SLC7A1: variants seen among roughly 807,000 people sequenced by gnomAD.
SLC7A1 encodes solute carrier family 7 member 1, also known as high affinity cationic amino acid transporter 1.
A neutral mutation model predicts 53.9 loss-of-function variants in SLC7A1; 10 were observed. The ratio of observed to expected loss-of-function variants is 0.19; its 90% CI spans 0.11 to 0.31. The LOEUF is 0.31. SLC7A1 is among the 10% of genes least tolerant of loss of function. SLC7A1 has a pLI of 1.00. For missense variants in SLC7A1, 525 were observed against 827.2 expected (o/e 0.63, Z 4.48); for synonymous variants, 342 against 338.7 (o/e 1.01, Z -0.11).
At chr13:29,541,673 T>G (rs1441840147) in intron 2 of SLC7A1, among the ~76,000 whole-genome samples, 2 of 152,212 alleles carry the variant, frequency 1.3e-5, no homozygotes, top group Non-Finnish European at 2.9e-5. Flanking sequence ...ATGAGTAACA[T>G]GCTCACTAAT....
At chr13:29,546,141 CA>C (rs1166628617) in intron 2 of SLC7A1, among the ~76,000 whole-genome samples, 2 of 152,180 alleles carry the variant, frequency 1.3e-5, no homozygotes, top group Admixed American at 6.5e-5. Flanking sequence ...GGCAGGTCCG[CA>C]GGGAGACTCT....
chr13:29,514,635 G>A (rs1439460727), intron 12 of SLC7A1, 52 bp from the exon 13 acceptor site: 3 of 1,388,014 alleles, frequency 2.2e-6, no homozygotes, highest in African/African-American at 1.4e-5. Context: ...TTGCACCACC[G>A]CAGGCAGGGC....
At chr13:29,563,364 G>C (rs995502303) in intron 1 of SLC7A1, among the ~76,000 whole-genome samples, 1 of 152,208 alleles carries the variant, frequency 6.6e-6, no homozygotes, top group Admixed American at 6.5e-5. Context: ...ATTTACTTAA[G>C]TGGGTTTTTT....
At chr13:29,535,788 A>T (rs777488320) in intron 3 of SLC7A1, 31 bp downstream of exon 3, 15 of 1,591,620 alleles carry the variant, frequency 9.4e-6, no homozygotes, top group Admixed American at 1.7e-5. Context: ...AAAGTGGTAG[A>T]GGGCACGAGC....
rs541894261 is a variant in SLC7A1, at chr13:29,529,669, G to A, written c.704+869C>T. 2.6e-5 allele frequency among the ~76,000 whole-genome samples: 4 copies of A among 152,312 alleles called. No homozygotes were observed. The South Asian group carries it at 8.3e-4, about 32-fold the overall frequency. ...CAGCCAACGCGGACTGCTCACTTCA[G>A]GACTGGAAACATCTCTTCTTTAAAG... On this transcript the variant is annotated intron_variant, in intron 5 of 12. Transcript: ENST00000380752.
chr13:29,563,658 G>A (rs1870854797), intron 1 of SLC7A1, among the ~76,000 whole-genome samples: 1 of 152,156 alleles, frequency 6.6e-6, no homozygotes. Flanking sequence ...GGATGCCTTC[G>A]CCCTGCAGGC....
At position 29,514,543 on chromosome 13, in the gene SLC7A1, C is replaced by G; in HGVS notation, c.1827G>C (p.Glu609Asp). The stretch of plus-strand genomic sequence containing the variant: ...CTTGGTCGGCATCCAGGGACGCCTC[C>G]TCGCTGTGCCACAGGCCATAGCCAA... ...IYFGYGLWHS[E>D]EASLDADQAR... The change falls in exon 13 of 13, where the codon GAG (glutamate) becomes GAC (aspartate). Residue 609 changes from glutamate to aspartate, a missense_variant. Physicochemically the swap from Glu to Asp is conservative, Grantham distance 45. This residue lies in a region of SLC7A1 where 41 missense variants were observed against 61.3 expected (regional missense o/e 0.67). Transcript: ENST00000380752. The G allele has an allele frequency of 6.2e-7, 1 of 1,611,128 alleles. No individual in the cohort carries two copies. The highest frequency in any genetic ancestry group is 8.5e-7 in the Non-Finnish European group (1 of 1,179,794).
At chr13:29,591,621 A>T (rs547928619) in intron 1 of SLC7A1, among the ~76,000 whole-genome samples, 1 of 152,348 alleles carries the variant, frequency 6.6e-6, no homozygotes, top group African/African-American at 2.4e-5. Context: ...CTGAACAAGT[A>T]TTCTGAAGAA....
chr13:29,587,153 T>C (rs1489328096), intron 1 of SLC7A1, among the ~76,000 whole-genome samples: 1 of 152,172 alleles, frequency 6.6e-6, no homozygotes, highest in Non-Finnish European at 1.5e-5. Flanking sequence ...TAACATAGAC[T>C]TACAGCTCAG....
intron 1 of SLC7A1, among the ~76,000 whole-genome samples, chr13:29,573,481 C>T (rs747231682): frequency 1.3e-5 from 2 of 152,184 alleles, no homozygotes; most frequent in African/African-American, 4.8e-5. Context: ...CAAAGGCAGA[C>T]GGACTTCTCT....
In SLC7A1 at chr13:29,515,013, C is replaced by A. The variant is rs186245349; in HGVS notation, c.1787-430G>T. On this transcript the variant is annotated intron_variant, in intron 12 of 12. Transcript: ENST00000380752. ...GACAGTCCCACTGCCCATTTCTCCACATAACTGAGCGTCAGACTGCAGGAG... is the reference window on the plus strand; with the variant it reads ...GACAGTCCCACTGCCCATTTCTCCAAATAACTGAGCGTCAGACTGCAGGAG... Among the ~76,000 whole-genome samples the A allele has an allele frequency of 3.6e-3, 555 of 152,326 alleles. 3 individuals carry two copies. The highest frequency in any genetic ancestry group is 0.017 in the Middle Eastern group (5 of 294).
chr13:29,522,436 G>C lies in SLC7A1; in HGVS notation c.1070C>G (p.Pro357Arg), dbSNP rs1868671666. 1.2e-6 allele frequency: 2 copies of C among 1,614,078 alleles called. No individual in the cohort carries two copies. The highest frequency in any genetic ancestry group is 2.2e-5 in the East Asian group (1 of 44,896). ...CATGGCATAGATAACCCGAGGCATG[G>C]GAAACATGGAACCTAGAAGACTAGA... ...LSASLLGSMF[P>R]MPRVIYAMAE... The change falls in exon 8 of 13, where the codon CCC becomes CGC. Residue 357 changes from proline to arginine, a missense_variant. Pro to Arg is a moderately radical substitution (Grantham distance 103, BLOSUM62 -2). This residue lies in a region of SLC7A1 where 354 missense variants were observed against 587.5 expected (regional missense o/e 0.60). Transcript: ENST00000380752.
At chr13:29,592,225 G>T (rs1426457809) in intron 1 of SLC7A1, among the ~76,000 whole-genome samples, 1 of 152,152 alleles carries the variant, frequency 6.6e-6, no homozygotes, top group Admixed American at 6.5e-5. Context: ...GTTATCCAGT[G>T]TGTTCACCAA....
In SLC7A1 at chr13:29,535,850, G is replaced by A. The variant is rs376160148; in HGVS notation, c.339C>T (p.Thr113=). 7.9e-5 allele frequency: 128 copies of A among 1,614,112 alleles called. 1 individual carries two copies. The Middle Eastern group carries it at 2.3e-3, about 29-fold the overall frequency. Residue 113 remains threonine, a synonymous_variant, in exon 3 of 13, where the codon ACC becomes ACT. Coordinates refer to ENST00000380752, the MANE Select transcript of SLC7A1 (RefSeq NM_003045.5). ...TGTAGGAGAGGATTAAGTTCCAGCC[G>A]GTGATGAAGGCCCAGAGCTCTCCAA... is the stretch of plus-strand genomic sequence containing the variant. ...VTVGELWAFI[T]GWNLILSYII... is the part of the protein sequence containing the mutation.
chr13:29,530,978 G>A (rs1315412715), intron 4 of SLC7A1, among the ~76,000 whole-genome samples: 1 of 152,098 alleles, frequency 6.6e-6, no homozygotes, highest in African/African-American at 2.4e-5. Flanking sequence ...GCCCACCCAA[G>A]GGGCACCCGA....
rs1883411149 is a variant in SLC7A1, at chr13:29,512,120, A to C, written c.*2360T>G. 1 of 152,228 alleles carries C rather than the reference A, an allele frequency of 6.6e-6. No individual in the cohort carries two copies. Among genetic ancestry groups the C allele is most frequent in the South Asian group, 2.1e-4 (1 of 4,828 alleles). 9.4% of individuals were successfully genotyped at this position (152,228 alleles called of 1,614,324 possible). ...GAGAGAAAACCCCTGGCAAGTGCAC[A>C]AAAACACTACTCATAAAAGCACGGT... On this transcript the variant is annotated 3_prime_UTR_variant, in exon 13 of 13. Coordinates refer to ENST00000380752, the MANE Select transcript of SLC7A1 (RefSeq NM_003045.5).
chr13:29,549,181 AT>A (rs1353023383), intron 2 of SLC7A1, among the ~76,000 whole-genome samples: 1 of 152,226 alleles, frequency 6.6e-6, no homozygotes, highest in Admixed American at 6.5e-5. Flanking sequence ...ATGCAATTCA[AT>A]TTACCTGAAA....
At chr13:29,552,566 G>A (rs1870248429) in intron 2 of SLC7A1, among the ~76,000 whole-genome samples, 1 of 151,960 alleles carries the variant, frequency 6.6e-6, no homozygotes, top group Admixed American at 6.6e-5. Context: ...TGAGGGCAAG[G>A]AACACCTGGC....
intron 1 of SLC7A1, among the ~76,000 whole-genome samples, chr13:29,587,054 G>T (rs923492365): frequency 6.6e-5 from 10 of 152,248 alleles, no homozygotes; most frequent in African/African-American, 2.2e-4. Flanking sequence ...CCTTCAAGGA[G>T]AGGGTCTGGG....
Sources: gnomAD v4.1 joint callset for allele counts (sites outside exome capture counted in the v4.1 genomes callset) on GRCh38, gnomAD v4.1.1 for gene constraint, gnomAD v4.1.1 regional missense constraint, MANE v1.5 for transcripts, NCBI Gene and HGNC (gene_info 2026-07-23, HGNC 2026-07-21) for gene names.